WWOX: variants seen among roughly 807,000 people sequenced by gnomAD.
The protein encoded by WWOX is WW domain-containing oxidoreductase.
Under a neutral mutation model 46.2 loss-of-function variants are expected in WWOX, and 69 were observed. That is an observed-to-expected ratio of 1.49 (90% CI 1.23 to 1.82). The LOEUF (loss-of-function observed/expected upper bound fraction) is 1.82. Among genes scored for constraint, WWOX ranks in the 40% most tolerant of loss-of-function variants. The pLI, the probability that WWOX is intolerant of heterozygous loss-of-function variation, is 0.00. For missense variants in WWOX, 919 were observed against 542.6 expected (o/e 1.69, Z -6.89); for synonymous variants, 359 against 202.6 (o/e 1.77, Z -6.56).
chr16:79,120,385 C>T (rs2049604380), intron 8 of WWOX, among the ~76,000 whole-genome samples: 1 of 152,206 alleles, frequency 6.6e-6, no homozygotes, highest in Non-Finnish European at 1.5e-5. Flanking sequence ...GATGGGGTAA[C>T]AGTGGGCAAT....
intron 8 of WWOX, among the ~76,000 whole-genome samples, chr16:78,493,194 T>G (rs1156436619): frequency 6.6e-6 from 1 of 152,196 alleles, no homozygotes; most frequent in Non-Finnish European, 1.5e-5. Context: ...GAATAATACA[T>G]GTTTCCTGCT....
chr16:78,887,118 GTGTGTGTGTGTGTGTGTA>G (rs1567627277), intron 8 of WWOX, among the ~76,000 whole-genome samples: 1 of 98,850 alleles, frequency 1.0e-5, no homozygotes. Context: ...GTGTGTGTGT[GTGTGTGTGTGTGTGTGTA>G]TACCTAGTCT....
At chr16:78,479,219 G>A (rs143808274) in intron 8 of WWOX, among the ~76,000 whole-genome samples, 62 of 152,308 alleles carry the variant, frequency 4.1e-4, no homozygotes, top group African/African-American at 8.9e-4. Flanking sequence ...CATCCAATAC[G>A]TATTGAATAC....
chr16:78,704,368 T>C (rs1313913397), intron 8 of WWOX, among the ~76,000 whole-genome samples: 1 of 152,206 alleles, frequency 6.6e-6, no homozygotes, highest in African/African-American at 2.4e-5. Context: ...TTCATCTGCA[T>C]TTTCACAATG....
intron 5 of WWOX, among the ~76,000 whole-genome samples, chr16:78,370,801 G>C (rs1361481093): frequency 3.4e-5 from 3 of 88,704 alleles, no homozygotes; most frequent in South Asian, 7.8e-4. Flanking sequence ...GGGGGGGGGG[G>C]CAATGCATTC....
intron 8 of WWOX, among the ~76,000 whole-genome samples, chr16:78,730,025 C>T (rs144862956): frequency 2.6e-5 from 4 of 152,122 alleles, no homozygotes; most frequent in African/African-American, 9.7e-5. Flanking sequence ...CCAGTTGTTT[C>T]TTATGATAAG....
At chr16:79,091,024 G>C (rs993489730) in intron 8 of WWOX, among the ~76,000 whole-genome samples, 1 of 152,130 alleles carries the variant, frequency 6.6e-6, no homozygotes, top group East Asian at 1.9e-4. Flanking sequence ...CTGACCTCAG[G>C]TGATCCACCC....
intron 8 of WWOX, among the ~76,000 whole-genome samples, chr16:78,769,436 G>A (rs944949931): frequency 1.3e-5 from 2 of 152,084 alleles, no homozygotes; most frequent in African/African-American, 4.8e-5. Context: ...TGGGGACATC[G>A]TGGTAAACAA....
chr16:78,324,440 G>C (rs769405692), intron 5 of WWOX, among the ~76,000 whole-genome samples: 1 of 152,004 alleles, frequency 6.6e-6, no homozygotes, highest in Non-Finnish European at 1.5e-5. Flanking sequence ...TCCTAGGTAC[G>C]TATCAAAGAG....
chr16:78,474,532 T>C (rs959773295), intron 8 of WWOX, among the ~76,000 whole-genome samples: 1 of 152,250 alleles, frequency 6.6e-6, no homozygotes, highest in African/African-American at 2.4e-5. Flanking sequence ...AAAGCTGCTG[T>C]TACTCAAACG....
intron 8 of WWOX, 40 bp from the exon 9 acceptor site, chr16:79,211,568 T>TCTTAAAATTTTTCTCATCACTCCTTC (rs747970682): frequency 1.2e-6 from 2 of 1,613,260 alleles, no homozygotes; most frequent in Non-Finnish European, 1.7e-6. Context: ...ATCACTCCTT[T>TCTTAAAATTTTTCTCATCACTCCTTC]TCTTAAAATT....
At chr16:79,168,868 C>G (rs2050646116) in intron 8 of WWOX, among the ~76,000 whole-genome samples, 2 of 152,182 alleles carry the variant, frequency 1.3e-5, no homozygotes, top group Admixed American at 1.3e-4. Context: ...AGTTCCTTAA[C>G]ATTTTTTAAA....
intron 8 of WWOX, among the ~76,000 whole-genome samples, chr16:78,628,198 G>C (rs80152437): frequency 6.6e-6 from 1 of 152,162 alleles, no homozygotes; most frequent in Non-Finnish European, 1.5e-5. Context: ...GCTGCCGTCT[G>C]AGTGATGCTA....
intron 8 of WWOX, among the ~76,000 whole-genome samples, chr16:78,561,229 C>G (rs1490470357): frequency 6.6e-6 from 1 of 152,186 alleles, no homozygotes; most frequent in Non-Finnish European, 1.5e-5. Context: ...CAGAAACTCT[C>G]TTGTGCATGG....
rs532661860 is a variant in WWOX, at chr16:78,294,767, A to C, written c.517-92093A>C. Among the ~76,000 whole-genome samples the C allele has an allele frequency of 6.6e-5, 10 of 152,262 alleles. No individual in the cohort carries two copies. In the South Asian group the frequency reaches 2.1e-3, roughly 32 times the overall value. ...GGTAAGGGTGAGAGAGAGACAAGAA[A>C]GGAAAGGAGGAAGGAAGGATGGGAA... On this transcript the variant is annotated intron_variant, in intron 5 of 8. Transcript: ENST00000566780.
At chr16:78,831,327 C>T (rs570836186) in intron 8 of WWOX, among the ~76,000 whole-genome samples, 1 of 152,212 alleles carries the variant, frequency 6.6e-6, no homozygotes, top group Non-Finnish European at 1.5e-5. Context: ...GAAGTAGCCC[C>T]TGACCAGCCT....
rs149783803 is a variant in WWOX at position 78,699,310 on chromosome 16, G to A, written c.1056+266558G>A. 6.7e-3 allele frequency among the ~76,000 whole-genome samples: 1,021 copies of A among 151,782 alleles called. 10 individuals carry two copies. Among genetic ancestry groups the A allele is most frequent in the African/African-American group, 0.024 (984 of 41,308 alleles). On this transcript the variant is annotated intron_variant, in intron 8 of 8. Coordinates refer to ENST00000566780, the MANE Select transcript of WWOX (RefSeq NM_016373.4). ...GCACTTTTGGAGGCTTATGTGGGTG[G>A]ATCGCTTGAGCTGAGGAGTTTGAGA...
intron 4 of WWOX, among the ~76,000 whole-genome samples, chr16:78,159,066 A>T (rs926011625): frequency 6.6e-6 from 1 of 152,122 alleles, no homozygotes; most frequent in Non-Finnish European, 1.5e-5. Flanking sequence ...ACTTAGCATA[A>T]TGTCCTTCAG....
intron 5 of WWOX, among the ~76,000 whole-genome samples, chr16:78,275,169 G>A (rs1027366092): frequency 1.2e-4 from 18 of 152,168 alleles, no homozygotes; most frequent in African/African-American, 3.4e-4. Context: ...AACGTGGAGG[G>A]GGGTGGTGAA....
Sources: allele counts gnomAD v4.1 joint callset (sites outside exome capture counted in the v4.1 genomes callset), GRCh38; gene constraint gnomAD v4.1.1; transcripts MANE v1.5; gene names NCBI Gene and HGNC (gene_info 2026-07-23, HGNC 2026-07-21).